Variants in NAALADL2 observed in about 807,000 individuals in gnomAD.
NAALADL2 encodes inactive N-acetylated-alpha-linked acidic dipeptidase-like protein 2.
A neutral mutation model predicts 87.2 loss-of-function variants in NAALADL2; 76 were observed. The observed-to-expected ratio is 0.87, with a 90% CI of 0.72 to 1.05. NAALADL2 has a LOEUF of 1.05. NAALADL2 is among the 50% of genes least tolerant of loss of function. The pLI, the probability that NAALADL2 is intolerant of heterozygous loss-of-function variation, is 0.00. For synonymous variants in NAALADL2, 354 were observed against 331.0 expected (o/e 1.07, Z -0.75); for missense variants, 1,089 against 945.8 (o/e 1.15, Z -1.99).
intron 1 of NAALADL2, among the ~76,000 whole-genome samples, chr3:174,449,175 T>C (rs901989409): frequency 6.6e-6 from 1 of 152,198 alleles, no homozygotes; most frequent in African/African-American, 2.4e-5. Context: ...TGCAGTCTCA[T>C]CCATCTGTGT....
At chr3:174,544,719 C>T (rs552369602) in intron 1 of NAALADL2, among the ~76,000 whole-genome samples, 56 of 151,288 alleles carry the variant, frequency 3.7e-4, no homozygotes, top group Non-Finnish European at 6.8e-4. Context: ...TACAGGCACG[C>T]GTCACCACAC....
chr3:174,959,715 G>A (rs1741701680), intron 1 of NAALADL2, among the ~76,000 whole-genome samples: 1 of 152,060 alleles, frequency 6.6e-6, no homozygotes, highest in Admixed American at 6.6e-5. Context: ...AGAATGAAGA[G>A]TCTAAATTTC....
At chr3:174,607,252 C>G (rs1440436300) in intron 2 of NAALADL2, among the ~76,000 whole-genome samples, 3 of 151,896 alleles carry the variant, frequency 2.0e-5, no homozygotes, top group Non-Finnish European at 4.4e-5. Flanking sequence ...GAAGAAACTG[C>G]ATCAACTAAC....
At chr3:175,781,805 C>T (rs1193535018) in intron 13 of NAALADL2, among the ~76,000 whole-genome samples, 2 of 151,854 alleles carry the variant, frequency 1.3e-5, no homozygotes, top group Admixed American at 6.6e-5. Flanking sequence ...TGGTGTGCTG[C>T]ACCCACTAAC....
At chr3:174,651,150 G>A (rs1724317196) in intron 2 of NAALADL2, among the ~76,000 whole-genome samples, 1 of 151,940 alleles carries the variant, frequency 6.6e-6, no homozygotes, top group Admixed American at 6.6e-5. Context: ...GAAAACTATT[G>A]TTCATGGAAT....
At chr3:175,449,237 C>T (rs778790534) in intron 6 of NAALADL2, among the ~76,000 whole-genome samples, 1 of 151,962 alleles carries the variant, frequency 6.6e-6, no homozygotes, top group Non-Finnish European at 1.5e-5. Context: ...TGACACTACA[C>T]CCAGCTAACT....
chr3:175,126,678 T>G (rs1727012707), intron 2 of NAALADL2, among the ~76,000 whole-genome samples: 1 of 152,136 alleles, frequency 6.6e-6, no homozygotes, highest in Non-Finnish European at 1.5e-5. Flanking sequence ...ACTGTTATGC[T>G]GAGCAATTCA....
chr3:175,586,925 TC>T (rs1326874568), intron 10 of NAALADL2, among the ~76,000 whole-genome samples: 1 of 152,164 alleles, frequency 6.6e-6, no homozygotes, highest in African/African-American at 2.4e-5. Flanking sequence ...GTGCTTTGTC[TC>T]CCACTACTAG....
intron 2 of NAALADL2, among the ~76,000 whole-genome samples, chr3:175,099,467 T>G (rs946746153): frequency 3.9e-5 from 6 of 152,198 alleles, no homozygotes; most frequent in Admixed American, 3.9e-4. Context: ...ACAATTGTAT[T>G]TTTGGTACAA....
chr3:174,719,034 G>A (rs2108944315), intron 2 of NAALADL2, among the ~76,000 whole-genome samples: 1 of 152,258 alleles, frequency 6.6e-6, no homozygotes, highest in African/African-American at 2.4e-5. Flanking sequence ...AATCTCTGAT[G>A]TTATCACTCC....
chr3:175,769,049 G>T (rs1250470988), intron 13 of NAALADL2, among the ~76,000 whole-genome samples: 1 of 152,168 alleles, frequency 6.6e-6, no homozygotes, highest in Admixed American at 6.5e-5. Flanking sequence ...CCTATGGCTT[G>T]GGTAATATTT....
rs117491971 is a variant in NAALADL2, at chr3:175,121,856, G to A, written c.545+24565G>A. Among the ~76,000 whole-genome samples, 1,397 of 151,836 alleles carry A rather than the reference G, an allele frequency of 9.2e-3. 46 individuals are homozygous for A. The highest frequency in any genetic ancestry group is 0.06 in the Admixed American group (908 of 15,204). ...TTTCCTTTTCTTTCTCAGAATAGAGGCCAGTATTTAGGGGAGATTTTATAT... is the reference window on the plus strand; with the variant it reads ...TTTCCTTTTCTTTCTCAGAATAGAGACCAGTATTTAGGGGAGATTTTATAT... On this transcript the variant is annotated intron_variant, in intron 2 of 13. Transcript: ENST00000454872.
intron 3 of NAALADL2, among the ~76,000 whole-genome samples, chr3:174,774,914 A>T (rs1241935551): frequency 2.0e-5 from 3 of 152,194 alleles, no homozygotes; most frequent in Non-Finnish European, 4.4e-5. Context: ...TAATGATTTT[A>T]CATACTTGGC....
chr3:174,594,542 C>T (rs1023584282), intron 2 of NAALADL2, among the ~76,000 whole-genome samples: 1 of 152,116 alleles, frequency 6.6e-6, no homozygotes, highest in African/African-American at 2.4e-5. Context: ...TAGTACTATC[C>T]AGTGCCCAAT....
intron 2 of NAALADL2, among the ~76,000 whole-genome samples, chr3:175,141,674 T>G (rs982502057): frequency 1.3e-5 from 2 of 152,124 alleles, no homozygotes; most frequent in African/African-American, 4.8e-5. Context: ...GAAGGCATAC[T>G]TATACAGATT....
chr3:175,251,498 T>C (rs192625461), intron 3 of NAALADL2, among the ~76,000 whole-genome samples: 3 of 152,370 alleles, frequency 2.0e-5, no homozygotes, highest in Admixed American at 2.0e-4. Flanking sequence ...TAACTAGATT[T>C]GTGCTCATTT....
intron 3 of NAALADL2, among the ~76,000 whole-genome samples, chr3:174,829,384 C>T (rs866382609): frequency 6.7e-5 from 10 of 149,402 alleles, no homozygotes; most frequent in South Asian, 4.2e-4. Context: ...TTTGTTCTTG[C>T]GATAGTTTAC....
At chr3:175,103,040 C>A (rs544762527) in intron 2 of NAALADL2, among the ~76,000 whole-genome samples, 1 of 143,190 alleles carries the variant, frequency 7.0e-6, no homozygotes, top group African/African-American at 2.6e-5. Flanking sequence ...ACCCAGGAGG[C>A]GGAGGTTGCA....
chr3:175,044,075 C>T (rs1754398683), intron 1 of NAALADL2, among the ~76,000 whole-genome samples: 1 of 152,054 alleles, frequency 6.6e-6, no homozygotes, highest in Admixed American at 6.6e-5. Context: ...TAGTTTTCAT[C>T]ATACCTGTTT....
Sources: allele counts gnomAD v4.1 joint callset (sites outside exome capture counted in the v4.1 genomes callset), GRCh38; gene constraint gnomAD v4.1.1; transcripts MANE v1.5; gene names NCBI Gene and HGNC (gene_info 2026-07-23, HGNC 2026-07-21).